Variants in SPAG16 observed in about 807,000 individuals in gnomAD.
The protein encoded by SPAG16 is sperm associated antigen 16, also known as sperm-associated antigen 16 protein.
A neutral mutation model predicts 80.4 loss-of-function variants in SPAG16; 86 were observed. The ratio of observed to expected loss-of-function variants is 1.07; its 90% CI spans 0.90 to 1.28. SPAG16 has a LOEUF of 1.28. Ranked by LOEUF, SPAG16 falls within the 50% of genes most tolerant of loss-of-function variation. SPAG16 has a pLI of 0.00. For missense variants in SPAG16, 870 were observed against 765.3 expected, an observed-to-expected ratio of 1.14 and a Z score of -1.61; for synonymous variants, 294 against 265.9, an observed-to-expected ratio of 1.11 and a Z score of -1.03.
intron 10 of SPAG16, among the ~76,000 whole-genome samples, chr2:213,541,677 G>T (rs2076451280): frequency 6.6e-6 from 1 of 152,102 alleles, no homozygotes; most frequent in Admixed American, 6.5e-5. Flanking sequence ...ATAGAAGAGA[G>T]AACCCTTCCA....
chr2:213,969,624 A>G (rs898577852), intron 12 of SPAG16, among the ~76,000 whole-genome samples: 7 of 152,190 alleles, frequency 4.6e-5, no homozygotes, highest in African/African-American at 1.7e-4. Context: ...ACCTCATCAA[A>G]TACTGAATTT....
At chr2:213,994,577 CT>C (rs5838404) in intron 12 of SPAG16, among the ~76,000 whole-genome samples, 62,467 of 138,944 alleles carry the variant, frequency 0.45, 14,115 homozygotes, top group South Asian at 0.62. Flanking sequence ...ATTTTCCATC[CT>C]TTTTTTTTTT....
At chr2:213,597,978 T>G (rs1198725760) in intron 10 of SPAG16, among the ~76,000 whole-genome samples, 2 of 152,146 alleles carry the variant, frequency 1.3e-5, no homozygotes, top group African/African-American at 2.4e-5. Flanking sequence ...ACATTTACCA[T>G]TTATTCTCTC....
chr2:214,211,193 T>C (rs1200674322), intron 15 of SPAG16, among the ~76,000 whole-genome samples: 1 of 152,190 alleles, frequency 6.6e-6, no homozygotes, highest in Non-Finnish European at 1.5e-5. Context: ...CATTTGAATG[T>C]ATTAGTCTAG....
intron 15 of SPAG16, among the ~76,000 whole-genome samples, chr2:214,296,666 T>A (rs1222530656): frequency 6.6e-6 from 1 of 152,202 alleles, no homozygotes; most frequent in Non-Finnish European, 1.5e-5. Flanking sequence ...ATTACATGTT[T>A]ATTAGCCACT....
intron 15 of SPAG16, among the ~76,000 whole-genome samples, chr2:214,198,690 T>C (rs948637199): frequency 3.9e-5 from 6 of 152,122 alleles, no homozygotes; most frequent in Admixed American, 1.3e-4. Flanking sequence ...TTTTCCATAA[T>C]GGTTAACTAG....
At chr2:213,296,245 C>A in intron 2 of SPAG16, 135 bp downstream of exon 2, 1 of 586,402 alleles carries the variant, frequency 1.7e-6, no homozygotes, top group East Asian at 2.8e-5. Flanking sequence ...CTGAATTTAG[C>A]TAGTATCAGC....
At chr2:214,311,599 C>T (rs2125979695) in intron 15 of SPAG16, 1 of 152,314 alleles carries the variant, frequency 6.6e-6, no homozygotes, top group African/African-American at 2.4e-5. Flanking sequence ...GGGTCAATCT[C>T]TGCCAGATTC....
intron 15 of SPAG16, among the ~76,000 whole-genome samples, chr2:214,174,858 G>C (rs1197959319): frequency 6.6e-6 from 1 of 151,626 alleles, no homozygotes. Flanking sequence ...TCCACTACTA[G>C]GGCCAGAGGC....
intron 12 of SPAG16, among the ~76,000 whole-genome samples, chr2:213,936,274 G>A (rs567775720): frequency 1.3e-4 from 20 of 152,262 alleles, no homozygotes; most frequent in African/African-American, 4.1e-4. Context: ...TAGGGGTAAG[G>A]TAGTTAAATG....
At chr2:213,692,523 T>C (rs1266755216) in intron 10 of SPAG16, among the ~76,000 whole-genome samples, 1 of 152,146 alleles carries the variant, frequency 6.6e-6, no homozygotes, top group African/African-American at 2.4e-5. Flanking sequence ...TAAAAATGTT[T>C]TGTCTGCCGG....
intron 9 of SPAG16, among the ~76,000 whole-genome samples, chr2:213,460,469 C>T (rs1407417088): frequency 6.6e-6 from 1 of 152,162 alleles, no homozygotes; most frequent in Non-Finnish European, 1.5e-5. Flanking sequence ...ATGTGCTTTA[C>T]TTCTTTTCAT....
chr2:213,591,622 C>T (rs1367733520), intron 10 of SPAG16, among the ~76,000 whole-genome samples: 1 of 151,990 alleles, frequency 6.6e-6, no homozygotes, highest in Non-Finnish European at 1.5e-5. Context: ...GTATAGAAAC[C>T]ACTGCAATGA....
intron 10 of SPAG16, among the ~76,000 whole-genome samples, chr2:213,532,156 A>C (rs2125887498): frequency 6.6e-6 from 1 of 152,356 alleles, no homozygotes; most frequent in East Asian, 1.9e-4. Context: ...TCCTTCATAT[A>C]GAACAAAACA....
intron 3 of SPAG16, among the ~76,000 whole-genome samples, chr2:213,308,010 C>T (rs186742248): frequency 2.0e-5 from 3 of 151,940 alleles, no homozygotes; most frequent in South Asian, 2.1e-4. Flanking sequence ...AAAGAGAAGG[C>T]GAAAGGAAAA....
At chr2:214,256,394 G>C (rs970170314) in intron 15 of SPAG16, among the ~76,000 whole-genome samples, 3 of 151,760 alleles carry the variant, frequency 2.0e-5, no homozygotes, top group African/African-American at 7.3e-5. Context: ...CTAGTTTGTG[G>C]CTTGCTCATT....
chr2:213,382,332 C>T (rs909636593), intron 9 of SPAG16, among the ~76,000 whole-genome samples: 4 of 152,162 alleles, frequency 2.6e-5, no homozygotes, highest in African/African-American at 9.7e-5. Context: ...GTTATAAGTC[C>T]TCAGTATCTG....
At chr2:214,137,237 A>G (rs1051204868) in intron 14 of SPAG16, among the ~76,000 whole-genome samples, 1 of 152,146 alleles carries the variant, frequency 6.6e-6, no homozygotes, top group Non-Finnish European at 1.5e-5. Flanking sequence ...TTGTGTATAC[A>G]TACAACATAG....
chr2:213,566,256 G>A (rs1329378690), intron 10 of SPAG16, among the ~76,000 whole-genome samples: 1 of 152,142 alleles, frequency 6.6e-6, no homozygotes, highest in Non-Finnish European at 1.5e-5. Flanking sequence ...GCTAGCAGGA[G>A]TAAAAATTGA....
Sources: gnomAD v4.1 joint callset for allele counts (sites outside exome capture counted in the v4.1 genomes callset) on GRCh38, gnomAD v4.1.1 for gene constraint, MANE v1.5 for transcripts, NCBI Gene and HGNC (gene_info 2026-07-23, HGNC 2026-07-21) for gene names.